Variants in BCL2L13 observed in about 807,000 individuals in gnomAD.
BCL2L13 encodes BCL2 like 13.
Under a neutral mutation model 25.8 loss-of-function variants are expected in BCL2L13, and 13 were observed. The observed-to-expected ratio is 0.50, with a 90% CI of 0.33 to 0.80. The LOEUF (loss-of-function observed/expected upper bound fraction) is 0.80. Among genes scored for constraint, BCL2L13 ranks in the 30% least tolerant of loss-of-function variants. The pLI, the probability that BCL2L13 is intolerant of heterozygous loss-of-function variation, is 0.02. For synonymous variants in BCL2L13, 244 were observed against 230.3 expected, an observed-to-expected ratio of 1.06 and a Z score of -0.54; for missense variants, 504 against 574.9, an observed-to-expected ratio of 0.88 and a Z score of 1.26.
chr22:17,654,580 G>T (rs896707199), intron 1 of BCL2L13, among the ~76,000 whole-genome samples: 4 of 151,778 alleles, frequency 2.6e-5, no homozygotes, highest in African/African-American at 9.7e-5. Flanking sequence ...CCGCCATCAC[G>T]CCCGGCTAAT....
At chr22:17,696,287 A>G in intron 5 of BCL2L13, 77 bp downstream of exon 5, 2 of 1,184,142 alleles carry the variant, frequency 1.7e-6, no homozygotes, top group Non-Finnish European at 2.5e-6. Flanking sequence ...TGCTAGCATC[A>G]TCAGCAGAAA....
chr22:17,638,939 A>C, intron 1 of BCL2L13, 53 bp downstream of exon 1: 1 of 1,219,184 alleles, frequency 8.2e-7, no homozygotes, highest in Non-Finnish European at 1.0e-6. Flanking sequence ...GGTGGTTTTC[A>C]CCTGGGTAGG....
chr22:17,650,979 G>A (rs2058663057), intron 1 of BCL2L13, among the ~76,000 whole-genome samples: 1 of 140,982 alleles, frequency 7.1e-6, no homozygotes, highest in African/African-American at 2.7e-5. Context: ...GCACCTCGTC[G>A]TCCATTCACT....
intron 1 of BCL2L13, among the ~76,000 whole-genome samples, chr22:17,651,011 T>TG (rs2058665321): frequency 1.3e-5 from 2 of 148,590 alleles, no homozygotes; most frequent in Admixed American, 6.8e-5. Context: ...TTTTTTTTTT[T>TG]GAGACGGAGT....
intron 6 of BCL2L13, 83 bp downstream of exon 6, chr22:17,702,469 G>A: frequency 7.5e-7 from 1 of 1,329,754 alleles, no homozygotes; most frequent in Non-Finnish European, 9.9e-7. Flanking sequence ...TTCTTGCTGT[G>A]TTACCCGGGC....
chr22:17,647,403 G>T (rs147906065), intron 1 of BCL2L13, among the ~76,000 whole-genome samples: 1 of 151,974 alleles, frequency 6.6e-6, no homozygotes, highest in Non-Finnish European at 1.5e-5. Context: ...TGATGGTCCC[G>T]CGTCATAATT....
At chr22:17,631,670 G>GTATATATA (rs1181793721) in intron 1 of BCL2L13, among the ~76,000 whole-genome samples, 104 of 26,714 alleles carry the variant, frequency 3.9e-3, no homozygotes, top group Admixed American at 4.7e-3. Context: ...GTGTGTGTGT[G>GTATATATA]TATATATATA....
chr22:17,674,332 C>T (rs530574344), intron 2 of BCL2L13, among the ~76,000 whole-genome samples: 4 of 152,138 alleles, frequency 2.6e-5, no homozygotes, highest in African/African-American at 9.6e-5. Flanking sequence ...GAGATAGGTT[C>T]TTGCTGGCGG....
intron 6 of BCL2L13, among the ~76,000 whole-genome samples, chr22:17,709,459 G>A (rs1183120143): frequency 2.0e-5 from 3 of 151,722 alleles, no homozygotes; most frequent in Non-Finnish European, 4.4e-5. Flanking sequence ...GCCAGGCATG[G>A]TCGTGCATGC....
At position 17,730,537 on chromosome 22, in the gene BCL2L13, C is replaced by T. The variant is rs1029444604; in HGVS notation, c.*3003C>T. The T allele has an allele frequency of 6.6e-6, 1 of 152,126 alleles. No homozygotes were observed. Among genetic ancestry groups the T allele is most frequent in the South Asian group, 2.1e-4 (1 of 4,826 alleles). 9.4% of individuals were successfully genotyped at this position (152,126 alleles called of 1,614,324 possible). ...AGGCAAGTAGTCTCCTTGCCTTTCT[C>T]CTGAAAGGTATGAGATGTGGACATT... is the stretch of plus-strand genomic sequence containing the variant. On this transcript the variant is annotated 3_prime_UTR_variant, in exon 7 of 7. Coordinates refer to ENST00000317582, the MANE Select transcript of BCL2L13 (RefSeq NM_015367.4).
chr22:17,653,438 G>A (rs1203617109), intron 1 of BCL2L13, among the ~76,000 whole-genome samples: 2 of 149,746 alleles, frequency 1.3e-5, no homozygotes, highest in African/African-American at 4.9e-5. Context: ...CCATATTCTC[G>A]TAACTTGTCT....
At chr22:17,629,749 T>C (rs755343550) in intron 1 of BCL2L13, among the ~76,000 whole-genome samples, 4 of 152,044 alleles carry the variant, frequency 2.6e-5, no homozygotes, top group Non-Finnish European at 5.9e-5. Context: ...AATACTGCAT[T>C]GACCTCCCTT....
At chr22:17,667,586 G>T (rs374949898) in intron 2 of BCL2L13, among the ~76,000 whole-genome samples, 3 of 152,142 alleles carry the variant, frequency 2.0e-5, no homozygotes, top group East Asian at 3.9e-4. Context: ...TCAGCTCACT[G>T]CAACCTCAGC....
chr22:17,639,007 A>G (rs1326323662), intron 1 of BCL2L13, 121 bp downstream of exon 1: 1 of 789,288 alleles, frequency 1.3e-6, no homozygotes, highest in African/African-American at 1.8e-5. Context: ...ACGACGCGTG[A>G]GTTTGAGTGT....
intron 1 of BCL2L13, among the ~76,000 whole-genome samples, chr22:17,631,880 C>T (rs979925022): frequency 1.3e-5 from 2 of 151,142 alleles, no homozygotes; most frequent in Admixed American, 6.6e-5. Flanking sequence ...TGCCACCACA[C>T]TCAGCTAATT....
intron 1 of BCL2L13, among the ~76,000 whole-genome samples, chr22:17,649,778 C>T (rs2058615261): frequency 6.6e-6 from 1 of 151,930 alleles, no homozygotes; most frequent in South Asian, 2.1e-4. Context: ...GCTGGGATTA[C>T]AGGCGTGAGC....
At chr22:17,714,987 T>C (rs370204314) in intron 6 of BCL2L13, among the ~76,000 whole-genome samples, 9 of 150,892 alleles carry the variant, frequency 6.0e-5, no homozygotes, top group African/African-American at 2.2e-4. Context: ...CTAAAAATCA[T>C]AAGGAAAAGA....
At chr22:17,724,033 G>T (rs1474095968) in intron 6 of BCL2L13, among the ~76,000 whole-genome samples, 3 of 152,166 alleles carry the variant, frequency 2.0e-5, no homozygotes, top group Non-Finnish European at 4.4e-5. Context: ...AGCACTTTGG[G>T]ACACTGAGGT....
At chr22:17,715,262 A>G (rs1324236131) in intron 6 of BCL2L13, among the ~76,000 whole-genome samples, 3 of 133,850 alleles carry the variant, frequency 2.2e-5, no homozygotes, top group Admixed American at 8.2e-5. Flanking sequence ...GCTCACTACA[A>G]CCTCCACTTC....
Sources: gnomAD v4.1 joint callset for allele counts (sites outside exome capture counted in the v4.1 genomes callset) on GRCh38, gnomAD v4.1.1 for gene constraint, MANE v1.5 for transcripts, NCBI Gene and HGNC (gene_info 2026-07-23, HGNC 2026-07-21) for gene names.